The following PCDHGA2 variants were observed in gnomAD, a reference collection of about 807,000 sequenced individuals.
PCDHGA2 encodes the protein protocadherin gamma-A2.
PCDHGA2 carries 40 observed loss-of-function variants against 59.2 expected under a neutral mutation model. The ratio of observed to expected loss-of-function variants is 0.68; its 90% CI spans 0.52 to 0.88. The LOEUF is 0.88. Ranked by LOEUF, PCDHGA2 falls within the 40% of genes least tolerant of loss-of-function variation. PCDHGA2 has a pLI of 0.00. For missense variants in PCDHGA2, 1,226 were observed against 1,204.0 expected, an observed-to-expected ratio of 1.02 and a Z score of -0.27; for synonymous variants, 560 against 526.0, an observed-to-expected ratio of 1.06 and a Z score of -0.89.
At chr5:141,344,226 C>G in intron 1 of PCDHGA2, 1 of 1,614,026 alleles carries the variant, frequency 6.2e-7, no homozygotes, top group Non-Finnish European at 8.5e-7. Flanking sequence ...GCGCGGAGTC[C>G]GCATCGTCTC....
At position 141,360,059 on chromosome 5, in the gene PCDHGA2, A is replaced by G. The variant is rs568145843; in HGVS notation, c.2424+18664A>G. ...GGAAACAGAAAACAAAAGCAGGAAA[A>G]GTGACCTTAGCCCGGATTCTGCCAT... On this transcript the variant is annotated intron_variant, in intron 1 of 3. Coordinates refer to ENST00000394576, the MANE Select transcript of PCDHGA2 (RefSeq NM_018915.4). The G allele has an allele frequency of 1.4e-5, 20 of 1,450,538 alleles. No individual in the cohort carries two copies. In the Admixed American group the frequency reaches 3.3e-4, roughly 24 times the overall value. The allele number at this position is 1,450,538 out of a possible 1,614,324, so 89.9% of individuals were successfully genotyped here.
rs201850389 is a variant in PCDHGA2, at chr5:141,371,846, T to A, written c.2424+30451T>A. 284 of 1,613,662 alleles carry A rather than the reference T, an allele frequency of 1.8e-4. 1 individual carries two copies. Among genetic ancestry groups the A allele is most frequent in the Admixed American group, 2.0e-4 (12 of 60,036 alleles). On this transcript the variant is annotated intron_variant, in intron 1 of 3. Coordinates refer to ENST00000394576, the MANE Select transcript of PCDHGA2 (RefSeq NM_018915.4). Reference sequence around the variant, plus strand: ...CCTCGGATCCCGACTTGGGACCTAATGGCCTTGTCTCCTACTACATCGTGG... The same window carrying A: ...CCTCGGATCCCGACTTGGGACCTAAAGGCCTTGTCTCCTACTACATCGTGG...
chr5:141,441,885 CA>C, intron 1 of PCDHGA2: 1 of 345,036 alleles, frequency 2.9e-6, no homozygotes. Context: ...ACCTGGTCAC[CA>C]AGGTGGTGGC....
Position 141,344,471 on chromosome 5 carries a change from G to T in PCDHGA2, c.2424+3076G>T, listed in dbSNP as rs751641174. On this transcript the variant is annotated intron_variant, in intron 1 of 3. Coordinates refer to ENST00000394576, the MANE Select transcript of PCDHGA2 (RefSeq NM_018915.4). ...TGGAAATAAAAATTGGTGAACTAAC[G>T]GTTCCTGGAACCCGATTTCCAATTA... 1.2e-5 allele frequency: 19 copies of T among 1,613,686 alleles called. No homozygotes were observed. In the African/African-American group the frequency reaches 1.7e-4, roughly 15 times the overall value.
intron 2 of PCDHGA2, among the ~76,000 whole-genome samples, chr5:141,500,189 TTTATTTA>T (rs1562193869): frequency 4.5e-5 from 5 of 110,894 alleles, no homozygotes; most frequent in African/African-American, 1.8e-4. Context: ...TTTATTTTTA[TTTATTTA>T]TTTATTTATT....
intron 2 of PCDHGA2, among the ~76,000 whole-genome samples, chr5:141,497,390 C>T (rs2099776143): frequency 6.6e-6 from 1 of 152,158 alleles, no homozygotes; most frequent in Non-Finnish European, 1.5e-5. Context: ...GAGCACCTTA[C>T]CCCTGCCTCA....
rs751349784 is a variant in PCDHGA2, at chr5:141,352,365, C to A, written c.2424+10970C>A. On this transcript the variant is annotated intron_variant, in intron 1 of 3. Coordinates refer to ENST00000394576, the MANE Select transcript of PCDHGA2 (RefSeq NM_018915.4). ...TTGATCTCAGTGCTCTTTCTCCTCGCGGTGATTCTAGCGATCGCCCTGCGC... is the reference window on the plus strand; with the variant it reads ...TTGATCTCAGTGCTCTTTCTCCTCGAGGTGATTCTAGCGATCGCCCTGCGC... The A allele has an allele frequency of 3.1e-6, 5 of 1,613,928 alleles. No individual in the cohort carries two copies. The African/African-American group carries it at 4.0e-5, about 13-fold the overall frequency.
Position 141,485,804 on chromosome 5 carries a change from G to A in PCDHGA2, c.2425-9003G>A. 6.2e-7 allele frequency: 1 copy of A among 1,614,218 alleles called. No individual in the cohort carries two copies. On this transcript the variant is annotated intron_variant, in intron 1 of 3. Coordinates refer to ENST00000394576, the MANE Select transcript of PCDHGA2 (RefSeq NM_018915.4). This position sits in a 1 kb window ranked among gnomAD's most constrained non-coding sequence, Gnocchi z 5.7. The stretch of plus-strand genomic sequence containing the variant: ...AGAGAAGCAATCGGACTACCGCCTG[G>A]TGCTGACTGCTGTCGATGGAGGGAA...
At chr5:141,458,485 A>G (rs2098946793) in intron 1 of PCDHGA2, among the ~76,000 whole-genome samples, 1 of 151,558 alleles carries the variant, frequency 6.6e-6, no homozygotes, top group Non-Finnish European at 1.5e-5. Context: ...GAAAATGAGG[A>G]CTGCCTGTAC....
chr5:141,340,509 TA>T lies in PCDHGA2; in HGVS notation c.1539del (p.Leu514SerfsTer19), dbSNP rs1269078460. 1 of 1,614,044 alleles carries T rather than the reference TA, an allele frequency of 6.2e-7. No homozygotes were observed. The highest frequency in any genetic ancestry group is 8.5e-7 in the Non-Finnish European group (1 of 1,180,026). Reference protein sequence around the residue: ...SYISINSDTGVLYALRSFDYE... With the variant: ...SYISINSDTGXLYALRSFDYE... ...ATCTCTATCAACTCCGACACTGGAGTACTCTATGCACTGCGCTCCTTTGATT... is the reference window on the plus strand; with the variant it reads ...ATCTCTATCAACTCCGACACTGGAGTCTCTATGCACTGCGCTCCTTTGATT... On this transcript the variant is annotated frameshift_variant, in exon 1 of 4. Transcript: ENST00000394576. LOFTEE classifies it high-confidence loss of function.
intron 3 of PCDHGA2, 86 bp downstream of exon 3, chr5:141,505,567 T>C: frequency 6.3e-7 from 1 of 1,599,440 alleles, no homozygotes; most frequent in South Asian, 1.1e-5. Flanking sequence ...ACGGACTGGA[T>C]GTCAAACCTG....
intron 2 of PCDHGA2, among the ~76,000 whole-genome samples, chr5:141,502,408 G>A (rs1197275813): frequency 6.6e-6 from 1 of 151,782 alleles, no homozygotes; most frequent in Non-Finnish European, 1.5e-5. Context: ...CCCGAACCTG[G>A]ATTTGCTGGC....
chr5:141,422,239 G>C (rs2096636040), intron 1 of PCDHGA2: 3 of 1,566,586 alleles, frequency 1.9e-6, no homozygotes, highest in East Asian at 4.5e-5. Context: ...GTTGATCACT[G>C]TTGTGGATGT....
chr5:141,476,366 G>T lies in PCDHGA2; in HGVS notation c.2425-18441G>T, dbSNP rs1025903110. The T allele has an allele frequency of 6.2e-7, 1 of 1,614,026 alleles. No individual in the cohort carries two copies. The highest frequency in any genetic ancestry group is 8.5e-7 in the Non-Finnish European group (1 of 1,180,028). On this transcript the variant is annotated intron_variant, in intron 1 of 3. Coordinates refer to ENST00000394576, the MANE Select transcript of PCDHGA2 (RefSeq NM_018915.4). The surrounding 1 kb of genome is among the most constrained non-coding windows in gnomAD (Gnocchi z 7.6). The stretch of plus-strand genomic sequence containing the variant: ...ATTCTTTGAGGTGAACCGGGAGACC[G>T]GAGAGATGTTTGTGAACGACCGTCT...
chr5:141,509,595 C>T (rs968797923), intron 3 of PCDHGA2, among the ~76,000 whole-genome samples: 36 of 152,168 alleles, frequency 2.4e-4, no homozygotes, highest in African/African-American at 6.8e-4. Context: ...CTGGCAATTC[C>T]GAGAGGCTGC....
chr5:141,370,840 G>T (rs762166631), intron 1 of PCDHGA2: 1 of 1,614,022 alleles, frequency 6.2e-7, no homozygotes, highest in South Asian at 1.1e-5. Flanking sequence ...GCTCTCACTG[G>T]AGCCACATTT....
At chr5:141,407,590 T>C (rs186034148) in intron 1 of PCDHGA2, among the ~76,000 whole-genome samples, 64 of 152,240 alleles carry the variant, frequency 4.2e-4, no homozygotes, top group Non-Finnish European at 7.1e-4. Context: ...CCTTAATGTC[T>C]CATCTTAAAA....
intron 1 of PCDHGA2, chr5:141,394,755 G>A (rs2093086176): frequency 1.2e-6 from 2 of 1,613,434 alleles, no homozygotes; most frequent in Non-Finnish European, 8.5e-7. Context: ...GGCCGTCCAG[G>A]ACCATGGCCA....
At position 141,490,852 on chromosome 5, in the gene PCDHGA2, G is replaced by A. The variant is rs759198428; in HGVS notation, c.2425-3955G>A. 2 of 1,613,896 alleles carry A rather than the reference G, an allele frequency of 1.2e-6. No individual in the cohort carries two copies. Among genetic ancestry groups the A allele is most frequent in the Non-Finnish European group, 1.7e-6 (2 of 1,179,928 alleles). ...GCTGCAGATTGTGGTGGGGGTTCGA[G>A]ACTCCGGCTCTCCCCCATTGCATGC... On this transcript the variant is annotated intron_variant, in intron 1 of 3. Transcript: ENST00000394576. The surrounding 1 kb of genome is among the most constrained non-coding windows in gnomAD (Gnocchi z 5.4).
Sources: allele counts gnomAD v4.1 joint callset (sites outside exome capture counted in the v4.1 genomes callset), GRCh38; gene constraint gnomAD v4.1.1; non-coding constraint Gnocchi (gnomAD v3.1); transcripts MANE v1.5; gene names NCBI Gene and HGNC (gene_info 2026-07-23, HGNC 2026-07-21).